Variants in GLE1 observed in about 807,000 individuals in gnomAD.
The protein encoded by GLE1 is mRNA export factor GLE1.
In GLE1, 78 loss-of-function variants were observed where a neutral mutation model predicts 97.3. The observed-to-expected ratio is 0.80, with a 90% CI of 0.67 to 0.97. GLE1 has a LOEUF of 0.97. Ranked by LOEUF, GLE1 falls within the 50% of genes least tolerant of loss-of-function variation. The pLI, the probability that GLE1 is intolerant of heterozygous loss-of-function variation, is 0.00. For missense variants in GLE1, 753 were observed against 857.5 expected (o/e 0.88, Z 1.52); for synonymous variants, 302 against 313.4 (o/e 0.96, Z 0.39).
intron 9 of GLE1, among the ~76,000 whole-genome samples, chr9:128,530,321 T>C (rs754878434): frequency 1.3e-5 from 2 of 152,204 alleles, no homozygotes; most frequent in African/African-American, 2.4e-5. Flanking sequence ...TTAGCCCTCT[T>C]TGTCTGCTGT....
chr9:128,517,642 A>C (rs531996058), intron 3 of GLE1, among the ~76,000 whole-genome samples: 1 of 151,822 alleles, frequency 6.6e-6, no homozygotes, highest in Admixed American at 6.6e-5. Flanking sequence ...TGATTAGTTC[A>C]CCTCTCCATT....
At chr9:128,508,170 A>G (rs1363494931) in intron 1 of GLE1, among the ~76,000 whole-genome samples, 18 of 145,536 alleles carry the variant, frequency 1.2e-4, no homozygotes, top group Admixed American at 6.1e-4. Context: ...ACAAGAGCGA[A>G]ACTCCATCTC....
intron 5 of GLE1, 84 bp from the exon 6 acceptor site, chr9:128,523,508 T>A: frequency 6.4e-7 from 1 of 1,551,382 alleles, no homozygotes; most frequent in Non-Finnish European, 8.9e-7. Context: ...TGTGAAAATA[T>A]GTAGCCCACG....
intron 1 of GLE1, among the ~76,000 whole-genome samples, chr9:128,508,141 T>C (rs1437584113): frequency 8.9e-5 from 13 of 146,140 alleles, no homozygotes; most frequent in African/African-American, 3.1e-4. Context: ...GATCGTGCCA[T>C]TGCACTCCAG....
chr9:128,541,172 G>A lies in GLE1; in HGVS notation c.*2G>A, dbSNP rs1847874688. The A allele has an allele frequency of 6.6e-7, 1 of 1,523,422 alleles. No homozygotes were observed. Among genetic ancestry groups the A allele is most frequent in the East Asian group, 2.2e-5 (1 of 44,496 alleles). 94.4% of individuals were successfully genotyped at this position (1,523,422 alleles called of 1,614,324 possible). ...ACTTCCTCCTTCTGGCGCTCCTGAT[G>A]TCACTCCATCACCCACCATCACCGC... is the stretch of plus-strand genomic sequence containing the variant. On this transcript the variant is annotated 3_prime_UTR_variant, in exon 16 of 16. Coordinates refer to ENST00000309971, the MANE Select transcript of GLE1 (RefSeq NM_001003722.2).
intron 9 of GLE1, among the ~76,000 whole-genome samples, chr9:128,531,387 T>G (rs998559119): frequency 6.8e-5 from 10 of 147,912 alleles, no homozygotes; most frequent in African/African-American, 2.5e-4. Flanking sequence ...ATTAGCCAGA[T>G]GTGGTGGCAG....
intron 13 of GLE1, among the ~76,000 whole-genome samples, chr9:128,538,869 A>G (rs1847804250): frequency 6.6e-6 from 1 of 152,152 alleles, no homozygotes; most frequent in African/African-American, 2.4e-5. Flanking sequence ...CCAAGAAGAC[A>G]CTTCTTATAG....
intron 3 of GLE1, among the ~76,000 whole-genome samples, chr9:128,519,655 G>A (rs1255290132): frequency 6.6e-6 from 1 of 152,182 alleles, no homozygotes; most frequent in Non-Finnish European, 1.5e-5. Context: ...TGGTCCTGTG[G>A]TCCTGTGGTC....
chr9:128,530,923 G>T (rs957565242), intron 9 of GLE1, among the ~76,000 whole-genome samples: 66 of 149,660 alleles, frequency 4.4e-4, no homozygotes, highest in Non-Finnish European at 8.2e-4. Flanking sequence ...AAAAAAAAAA[G>T]GTGGGCCGGG....
At chr9:128,514,384 C>G (rs1846916923) in intron 2 of GLE1, among the ~76,000 whole-genome samples, 1 of 147,952 alleles carries the variant, frequency 6.8e-6, no homozygotes, top group African/African-American at 2.5e-5. Flanking sequence ...AAGATGAACT[C>G]TGGCCTTCAG....
At chr9:128,524,952 A>G (rs1039972719) in intron 6 of GLE1, among the ~76,000 whole-genome samples, 1 of 152,136 alleles carries the variant, frequency 6.6e-6, no homozygotes, top group Admixed American at 6.6e-5. Flanking sequence ...CAAACTTTTT[A>G]AAAAATTACG....
At chr9:128,515,129 G>A (rs1359725095) in intron 2 of GLE1, among the ~76,000 whole-genome samples, 7 of 152,072 alleles carry the variant, frequency 4.6e-5, no homozygotes, top group African/African-American at 1.7e-4. Flanking sequence ...TGAGGATAGA[G>A]TACTTTGATA....
intron 1 of GLE1, among the ~76,000 whole-genome samples, chr9:128,506,343 T>C (rs1029740675): frequency 1.8e-4 from 27 of 150,460 alleles, no homozygotes; most frequent in African/African-American, 6.4e-4. Context: ...AGACTGTGTC[T>C]CAAAAAAAAA....
intron 5 of GLE1, 64 bp downstream of exon 5, chr9:128,523,404 A>C: frequency 4.1e-6 from 6 of 1,470,390 alleles, no homozygotes; most frequent in Non-Finnish European, 5.7e-6. Flanking sequence ...CTGGAGAGCC[A>C]GGTTTTGGCA....
In GLE1 at chr9:128,509,017, C is replaced by T. The variant is rs772765696; in HGVS notation, c.241C>T (p.Gln81Ter). The change falls in exon 2 of 16, where the codon CAA becomes TAA. Residue 81 changes from glutamine to a stop codon, truncating the protein, a stop_gained. Coordinates refer to ENST00000309971, the MANE Select transcript of GLE1 (RefSeq NM_001003722.2). LOFTEE classifies it high-confidence loss of function. The stretch of plus-strand genomic sequence containing the variant: ...CTCTACGTCAGCTTCAGCCCTAGAT[C>T]AACCCTCATTTGTTCCCAAATCTCC... ...PSSTSASALD[Q>*]PSFVPKSPDA... 7.4e-5 allele frequency: 119 copies of T among 1,613,548 alleles called. No homozygotes were observed. Among genetic ancestry groups the T allele is most frequent in the Non-Finnish European group, 9.9e-5 (117 of 1,179,540 alleles).
chr9:128,539,931 A>G (rs2132540338), intron 14 of GLE1: 4 of 1,217,068 alleles, frequency 3.3e-6, no homozygotes, highest in Non-Finnish European at 4.5e-6. Flanking sequence ...TTAGGGGCTG[A>G]GCACAGTGGC....
intron 12 of GLE1, 113 bp from the exon 13 acceptor site, chr9:128,537,873 A>T: frequency 1.4e-6 from 1 of 721,928 alleles, no homozygotes; most frequent in Non-Finnish European, 2.6e-6. Context: ...GGCAGGTGCT[A>T]GGGCTGGATG....
chr9:128,511,884 T>C (rs958989194), intron 2 of GLE1, among the ~76,000 whole-genome samples: 13 of 152,068 alleles, frequency 8.5e-5, no homozygotes, highest in Admixed American at 2.0e-4. Flanking sequence ...CAATCTCGGC[T>C]TAATGCAACC....
intron 15 of GLE1, chr9:128,540,583 G>A (rs910631086): frequency 9.4e-6 from 5 of 529,968 alleles, no homozygotes; most frequent in African/African-American, 7.7e-5. Flanking sequence ...AATATATTTA[G>A]TGTATCTCCT....
Sources: gnomAD v4.1 joint callset for allele counts (sites outside exome capture counted in the v4.1 genomes callset) on GRCh38, gnomAD v4.1.1 for gene constraint, MANE v1.5 for transcripts, NCBI Gene and HGNC (gene_info 2026-07-23, HGNC 2026-07-21) for gene names.